Variants in CXCL13 observed in about 807,000 individuals in gnomAD.
CXCL13 encodes C-X-C motif chemokine 13.
Under a neutral mutation model 12.2 loss-of-function variants are expected in CXCL13, and 7 were observed. The observed-to-expected ratio is 0.57, with a 90% CI of 0.33 to 1.07. CXCL13 has a LOEUF of 1.07. Ranked by LOEUF, CXCL13 falls within the 50% of genes least tolerant of loss-of-function variation. The pLI is 0.04. For synonymous variants in CXCL13, 47 were observed against 42.4 expected (o/e 1.11, Z -0.42); for missense variants, 113 against 127.4 (o/e 0.89, Z 0.55).
intron 1 of CXCL13, among the ~76,000 whole-genome samples, chr4:77,571,047 G>A (rs953015300): frequency 1.3e-5 from 2 of 152,030 alleles, no homozygotes; most frequent in African/African-American, 4.8e-5. Flanking sequence ...TGAGGAGTGT[G>A]AGCGCATGGC....
upstream of CXCL13, among the ~76,000 whole-genome samples, chr4:77,601,278 G>A (rs1350939735): frequency 6.6e-6 from 1 of 152,172 alleles, no homozygotes; most frequent in Non-Finnish European, 1.5e-5. Context: ...GCTCGCTCAA[G>A]ATGAAAATGA....
Position 77,572,657 on chromosome 4 carries a change from A to G in CXCL13, c.-42-33167A>G, listed in dbSNP as rs62304076. 9.9e-3 allele frequency among the ~76,000 whole-genome samples: 1,508 copies of G among 152,062 alleles called. 22 individuals are homozygous for G. Among genetic ancestry groups the G allele is most frequent in the Non-Finnish European group, 0.017 (1,126 of 68,022 alleles). On this transcript the variant is annotated intron_variant, in intron 1 of 4. Transcript: ENST00000286758. ...GTTGTTAGGATAAATTAGTTCAACC[A>G]TTGTGGAAGACAGTGAAGTGATACC...
At chr4:77,577,886 C>T (rs890752094) in intron 1 of CXCL13, among the ~76,000 whole-genome samples, 5 of 152,130 alleles carry the variant, frequency 3.3e-5, no homozygotes, top group African/African-American at 4.8e-5. Flanking sequence ...ATCCTGAACC[C>T]CTGGGACTCC....
At chr4:77,520,751 T>C (rs1419931495) in intron 1 of CXCL13, among the ~76,000 whole-genome samples, 1 of 152,212 alleles carries the variant, frequency 6.6e-6, no homozygotes, top group African/African-American at 2.4e-5. Context: ...TCCAACATTA[T>C]GTTGAATAGG....
At chr4:77,533,478 G>T (rs199634153) in intron 1 of CXCL13, among the ~76,000 whole-genome samples, 7 of 152,182 alleles carry the variant, frequency 4.6e-5, no homozygotes, top group East Asian at 3.9e-4. Flanking sequence ...CTACTCAGGG[G>T]TCAGGGACCC....
At chr4:77,525,617 T>C (rs1475219544) in intron 1 of CXCL13, among the ~76,000 whole-genome samples, 2 of 150,426 alleles carry the variant, frequency 1.3e-5, no homozygotes, top group Non-Finnish European at 3.0e-5. Context: ...AGTTGAGTCT[T>C]TTTTTTTTAA....
chr4:77,541,101 A>G (rs1490499923), intron 1 of CXCL13, among the ~76,000 whole-genome samples: 1 of 151,686 alleles, frequency 6.6e-6, no homozygotes, highest in Non-Finnish European at 1.5e-5. Flanking sequence ...TAATGGGGTT[A>G]TTTTCTTTTT....
chr4:77,529,761 C>T (rs902425338), intron 1 of CXCL13, among the ~76,000 whole-genome samples: 1 of 152,234 alleles, frequency 6.6e-6, no homozygotes, highest in Non-Finnish European at 1.5e-5. Context: ...ATTGAATACC[C>T]TTTATTTCCT....
At chr4:77,566,117 G>A (rs1028980476) in intron 1 of CXCL13, among the ~76,000 whole-genome samples, 1 of 152,150 alleles carries the variant, frequency 6.6e-6, no homozygotes, top group Non-Finnish European at 1.5e-5. Context: ...GGTGATGAAG[G>A]CACACCTTCC....
At chr4:77,544,863 G>T (rs930988755) in intron 1 of CXCL13, among the ~76,000 whole-genome samples, 1 of 152,040 alleles carries the variant, frequency 6.6e-6, no homozygotes, top group Non-Finnish European at 1.5e-5. Flanking sequence ...TTTCTTCTAG[G>T]GTTTTTATGG....
intron 1 of CXCL13, among the ~76,000 whole-genome samples, chr4:77,531,103 T>C (rs1275885195): frequency 2.1e-5 from 3 of 143,932 alleles, no homozygotes; most frequent in African/African-American, 7.8e-5. Context: ...GTTTCTTTAT[T>C]ATTATTATTA....
chr4:77,607,573 CAT>C lies in CXCL13; in HGVS notation c.65-127_65-126del. The C allele has an allele frequency of 4.0e-6, 3 of 743,958 alleles. No homozygotes were observed. In the South Asian group the frequency reaches 6.1e-5, roughly 15 times the overall value. The allele number at this position is 743,958 out of a possible 1,614,324, so 46.1% of individuals were successfully genotyped here. On this transcript the variant is annotated intron_variant, in intron 1 of 3. Transcript: ENST00000682537. ...CAAGCAGAAATATACAAACTAAAGA[CAT>C]ATGGGTGGAAGCACTGACTTGAAAC...
intron 1 of CXCL13, among the ~76,000 whole-genome samples, chr4:77,541,286 T>C (rs753820329): frequency 1.6e-4 from 25 of 152,212 alleles, no homozygotes; most frequent in Non-Finnish European, 3.7e-4. Flanking sequence ...TTTTTATTTT[T>C]GTTTCAATTG....
At chr4:77,553,487 C>A (rs933874861) in intron 1 of CXCL13, among the ~76,000 whole-genome samples, 5 of 152,238 alleles carry the variant, frequency 3.3e-5, no homozygotes, top group African/African-American at 1.2e-4. Context: ...AAGCCTTTCC[C>A]CAGTATAGCT....
intron 1 of CXCL13, among the ~76,000 whole-genome samples, chr4:77,532,090 T>G (rs1312451892): frequency 6.6e-6 from 1 of 152,248 alleles, no homozygotes; most frequent in African/African-American, 2.4e-5. Flanking sequence ...GCTATCATTA[T>G]GATGTTAGCT....
intron 1 of CXCL13, among the ~76,000 whole-genome samples, chr4:77,541,199 A>G (rs1227211480): frequency 6.6e-6 from 1 of 152,110 alleles, no homozygotes; most frequent in Non-Finnish European, 1.5e-5. Flanking sequence ...CTCATTCTGT[A>G]GGTTGTCTGT....
At chr4:77,559,191 G>A (rs1412239398) in intron 1 of CXCL13, among the ~76,000 whole-genome samples, 2 of 152,208 alleles carry the variant, frequency 1.3e-5, no homozygotes, top group Non-Finnish European at 2.9e-5. Context: ...TCTAGATAAA[G>A]ACTATCATAT....
intron 1 of CXCL13, among the ~76,000 whole-genome samples, chr4:77,543,940 C>A (rs892190004): frequency 2.6e-5 from 4 of 152,046 alleles, no homozygotes; most frequent in Non-Finnish European, 2.9e-5. Flanking sequence ...ATGTTCCCCA[C>A]CCTGTGTCCA....
intron 1 of CXCL13, among the ~76,000 whole-genome samples, chr4:77,578,553 T>C (rs376556039): frequency 6.6e-6 from 1 of 152,336 alleles, no homozygotes; most frequent in East Asian, 1.9e-4. Context: ...GAGAATTTCA[T>C]GCCTTCTGTA....
Sources: gnomAD v4.1 joint callset for allele counts (sites outside exome capture counted in the v4.1 genomes callset) on GRCh38, gnomAD v4.1.1 for gene constraint, MANE v1.5 for transcripts, NCBI Gene and HGNC (gene_info 2026-07-23, HGNC 2026-07-21) for gene names.